Variants in ERICH6B observed in about 807,000 individuals in gnomAD.
ERICH6B encodes the protein glutamate rich 6B, also known as glutamate-rich protein 6B.
In ERICH6B, 69 loss-of-function variants were observed where a neutral mutation model predicts 80.0. The ratio of observed to expected loss-of-function variants is 0.86; its 90% CI spans 0.71 to 1.05. The LOEUF (loss-of-function observed/expected upper bound fraction) is 1.05, where lower values mean the gene tolerates loss of function less well. ERICH6B is among the 50% of genes least tolerant of loss of function. The probability of loss-of-function intolerance (pLI) is 0.00; values close to 1 mark genes in which losing one functional copy is unlikely to be tolerated. For missense variants in ERICH6B, 754 were observed against 796.1 expected (o/e 0.95, Z 0.64); for synonymous variants, 283 against 291.9 (o/e 0.97, Z 0.31).
At chr13:45,608,874 C>T (rs184326593) in intron 1 of ERICH6B, among the ~76,000 whole-genome samples, 3 of 152,274 alleles carry the variant, frequency 2.0e-5, no homozygotes, top group Admixed American at 1.3e-4. Context: ...GTGCCCTGAA[C>T]GGAGAAAGTT....
rs1268227924 is a variant in ERICH6B, at chr13:45,599,895, G to A, written c.-58-2832C>T. 2.0e-5 allele frequency among the ~76,000 whole-genome samples: 3 copies of A among 152,184 alleles called. 1 individual carries two copies. Among genetic ancestry groups the A allele is most frequent in the Admixed American group, 1.3e-4 (2 of 15,284 alleles). On this transcript the variant is annotated intron_variant, in intron 2 of 14. Coordinates refer to ENST00000298738, the MANE Select transcript of ERICH6B (RefSeq NM_182542.3). The stretch of plus-strand genomic sequence containing the variant: ...ATTTGCCAGACAGTTAAGAAGCAGC[G>A]GAGAATGGAAGCTGTGCCTGCAGTT...
At chr13:45,609,786 A>T (rs1056072743) in intron 1 of ERICH6B, among the ~76,000 whole-genome samples, 1 of 152,228 alleles carries the variant, frequency 6.6e-6, no homozygotes, top group Non-Finnish European at 1.5e-5. Flanking sequence ...TCACTTAATG[A>T]TGGGGATACG....
chr13:45,580,545 C>A, intron 6 of ERICH6B, 58 bp downstream of exon 6: 2 of 1,527,820 alleles, frequency 1.3e-6, no homozygotes, highest in Non-Finnish European at 1.8e-6. Context: ...TGCTTCTTAC[C>A]TTCTCTGGGA....
intron 13 of ERICH6B, among the ~76,000 whole-genome samples, chr13:45,546,445 A>G (rs997377377): frequency 6.6e-6 from 1 of 152,198 alleles, no homozygotes; most frequent in Admixed American, 6.5e-5. Flanking sequence ...GTGGCGATGT[A>G]CTACATTTTA....
chr13:45,554,726 T>C (rs1167928504), intron 11 of ERICH6B, among the ~76,000 whole-genome samples: 1 of 152,204 alleles, frequency 6.6e-6, no homozygotes, highest in Non-Finnish European at 1.5e-5. Flanking sequence ...GAGCTTAAAG[T>C]GCAGAGTAAA....
rs371645367 is a variant in ERICH6B, at chr13:45,574,832, T to C, written c.1050+10A>G. The C allele has an allele frequency of 9.5e-5, 146 of 1,540,018 alleles. 1 individual carries two copies. The African/African-American group carries it at 1.9e-3, about 20-fold the overall frequency. On this transcript the variant is annotated intron_variant, in intron 8 of 14. Coordinates refer to ENST00000298738, the MANE Select transcript of ERICH6B (RefSeq NM_182542.3). ...CTGGGGGGGGGGTCTCAAGTTTTTA[T>C]CCAACTTACGTTTTCATCTAAATCT...
chr13:45,598,509 G>A (rs1447649972), intron 2 of ERICH6B, among the ~76,000 whole-genome samples: 1 of 152,134 alleles, frequency 6.6e-6, no homozygotes, highest in Admixed American at 6.5e-5. Flanking sequence ...CTGGCTGTCT[G>A]AGTGGGAAAC....
At chr13:45,575,061 C>A in intron 7 of ERICH6B, 131 bp from the exon 8 acceptor site, 1 of 622,886 alleles carries the variant, frequency 1.6e-6, no homozygotes, top group Non-Finnish European at 2.8e-6. Context: ...CATACATCAT[C>A]AATGAGATGT....
intron 2 of ERICH6B, among the ~76,000 whole-genome samples, chr13:45,601,233 C>T (rs1022954866): frequency 6.6e-6 from 1 of 152,064 alleles, no homozygotes; most frequent in African/African-American, 2.4e-5. Flanking sequence ...CTCTTTTCTC[C>T]TGTTGCAATA....
At chr13:45,597,598 T>C (rs182563613) in intron 2 of ERICH6B, among the ~76,000 whole-genome samples, 290 of 152,270 alleles carry the variant, frequency 1.9e-3, no homozygotes, top group African/African-American at 6.8e-3. Flanking sequence ...CCACATGCAC[T>C]GTCAGCCCTG....
intron 2 of ERICH6B, among the ~76,000 whole-genome samples, chr13:45,605,775 G>A (rs1386691068): frequency 6.6e-6 from 1 of 152,224 alleles, no homozygotes; most frequent in Non-Finnish European, 1.5e-5. Flanking sequence ...TAAAGAGGGG[G>A]AGAAGAGGAG....
intron 1 of ERICH6B, among the ~76,000 whole-genome samples, chr13:45,614,474 A>G (rs957803347): frequency 7.2e-5 from 11 of 152,236 alleles, no homozygotes; most frequent in African/African-American, 2.7e-4. Flanking sequence ...AGAGGCACAC[A>G]GGAGGCTGAC....
intron 2 of ERICH6B, among the ~76,000 whole-genome samples, chr13:45,606,537 A>AT (rs1949865432): frequency 2.3e-4 from 3 of 12,918 alleles, no homozygotes; most frequent in East Asian, 1.8e-3. Context: ...ATATATATAT[A>AT]TATATATATA....
At chr13:45,545,028 C>A (rs1248811262) in intron 13 of ERICH6B, 43 bp from the exon 14 acceptor site, 1 of 1,472,582 alleles carries the variant, frequency 6.8e-7, no homozygotes, top group Non-Finnish European at 9.2e-7. Context: ...GGCGCTCAGC[C>A]CTGGGCCTCT....
At chr13:45,586,604 C>T (rs1033325129) in intron 5 of ERICH6B, among the ~76,000 whole-genome samples, 1 of 152,042 alleles carries the variant, frequency 6.6e-6, no homozygotes, top group Non-Finnish European at 1.5e-5. Flanking sequence ...TGGCTTTGAC[C>T]CCCACTGAGA....
intron 4 of ERICH6B, among the ~76,000 whole-genome samples, chr13:45,588,496 C>A (rs1876018882): frequency 6.6e-6 from 1 of 152,178 alleles, no homozygotes; most frequent in Admixed American, 6.5e-5. Context: ...CTGCTCCAGG[C>A]CCCAAGGCCA....
chr13:45,568,747 AC>A (rs1399151299), intron 8 of ERICH6B, among the ~76,000 whole-genome samples: 1 of 152,238 alleles, frequency 6.6e-6, no homozygotes, highest in East Asian at 1.9e-4. Context: ...AGATAAAAAA[AC>A]AAAAGGAAAA....
At chr13:45,595,681 T>TC (rs1278489951) in intron 3 of ERICH6B, among the ~76,000 whole-genome samples, 4 of 143,300 alleles carry the variant, frequency 2.8e-5, no homozygotes, top group African/African-American at 5.0e-5. Flanking sequence ...TTCTCTCTCT[T>TC]TTTTTTTTTT....
At position 45,596,391 on chromosome 13, in the gene ERICH6B, A is replaced by G; in HGVS notation, c.615T>C (p.Asn205=). The G allele has an allele frequency of 1.3e-6, 2 of 1,550,030 alleles. No homozygotes were observed. Among genetic ancestry groups the G allele is most frequent in the Non-Finnish European group, 8.7e-7 (1 of 1,146,572 alleles). The change falls in exon 3 of 15, where the codon AAT becomes AAC. Residue 205 remains asparagine, a synonymous_variant. Coordinates refer to ENST00000298738, the MANE Select transcript of ERICH6B (RefSeq NM_182542.3). ...EKEENLDGKE[N]LYKKYLKEPK... ...CACCTTTCAGATACTTTTTATACAG[A>G]TTTTCTTTTCCATCCAGATTCTCTT...
Sources: allele counts gnomAD v4.1 joint callset (sites outside exome capture counted in the v4.1 genomes callset), GRCh38; gene constraint gnomAD v4.1.1; transcripts MANE v1.5; gene names NCBI Gene and HGNC (gene_info 2026-07-23, HGNC 2026-07-21).